The following DOK6 variants were observed in gnomAD, a reference collection of about 807,000 sequenced individuals.
The protein encoded by DOK6 is docking protein 6.
Under a neutral mutation model 44.0 loss-of-function variants are expected in DOK6, and 22 were observed. That is an observed-to-expected ratio of 0.50 (90% CI 0.36 to 0.71). The LOEUF (loss-of-function observed/expected upper bound fraction) is 0.71, where lower values mean the gene tolerates loss of function less well. Ranked by LOEUF, DOK6 falls within the 30% of genes least tolerant of loss-of-function variation. DOK6 has a pLI of 0.00. For missense variants in DOK6, 340 were observed against 416.4 expected (o/e 0.82, Z 1.60); for synonymous variants, 166 against 145.5 (o/e 1.14, Z -1.01).
intron 1 of DOK6, among the ~76,000 whole-genome samples, chr18:69,516,570 G>C (rs1451699194): frequency 6.6e-6 from 1 of 152,150 alleles, no homozygotes; most frequent in Non-Finnish European, 1.5e-5. Context: ...TAAAGGCAAA[G>C]AGATTTGTAT....
chr18:69,560,425 A>C (rs947289691), intron 1 of DOK6, among the ~76,000 whole-genome samples: 4 of 152,040 alleles, frequency 2.6e-5, no homozygotes, highest in Non-Finnish European at 4.4e-5. Flanking sequence ...CTTTTCAGTC[A>C]TGTATTAGTG....
chr18:69,407,766 A>C lies in DOK6; in HGVS notation c.66+6456A>C, dbSNP rs540168811. 2.0e-5 allele frequency among the ~76,000 whole-genome samples: 3 copies of C among 152,346 alleles called. No individual in the cohort carries two copies. The East Asian group carries it at 5.8e-4, about 29-fold the overall frequency. On this transcript the variant is annotated intron_variant, in intron 1 of 7. Transcript: ENST00000382713. ...ACTTGCAATGATTAGTGATGGTTGT[A>C]ACCTTTCAACATGTGCAAAATATTT...
At chr18:69,589,215 T>C (rs955666146) in intron 2 of DOK6, among the ~76,000 whole-genome samples, 13 of 152,192 alleles carry the variant, frequency 8.5e-5, no homozygotes, top group Non-Finnish European at 1.6e-4. Flanking sequence ...GAGATTAACC[T>C]ATATTTATTG....
At chr18:69,751,280 GAATT>G (rs1385675639) in intron 6 of DOK6, among the ~76,000 whole-genome samples, 1 of 152,066 alleles carries the variant, frequency 6.6e-6, no homozygotes, top group Non-Finnish European at 1.5e-5. Flanking sequence ...ATAAGTATTT[GAATT>G]AATGGTTATG....
chr18:69,548,342 T>G (rs1211051072), intron 1 of DOK6, among the ~76,000 whole-genome samples: 1 of 151,574 alleles, frequency 6.6e-6, no homozygotes, highest in African/African-American at 2.4e-5. Context: ...GGCACCTTTT[T>G]ATAGTTGACT....
chr18:69,774,831 CA>C (rs1980013484), intron 7 of DOK6, among the ~76,000 whole-genome samples: 1 of 151,726 alleles, frequency 6.6e-6, no homozygotes, highest in Non-Finnish European at 1.5e-5. Context: ...ACAGACTAGA[CA>C]AATGGTATGA....
chr18:69,696,840 A>G (rs1035695565), intron 4 of DOK6, among the ~76,000 whole-genome samples: 1 of 152,214 alleles, frequency 6.6e-6, no homozygotes, highest in African/African-American at 2.4e-5. Flanking sequence ...TTGGTTGCAC[A>G]TAAGAATTTT....
At chr18:69,626,050 G>A (rs1459687384) in intron 3 of DOK6, among the ~76,000 whole-genome samples, 1 of 152,082 alleles carries the variant, frequency 6.6e-6, no homozygotes, top group Non-Finnish European at 1.5e-5. Flanking sequence ...CCTGACTTTT[G>A]ACAATGACTG....
At chr18:69,811,449 A>G (rs1981221920) in intron 7 of DOK6, among the ~76,000 whole-genome samples, 1 of 150,026 alleles carries the variant, frequency 6.7e-6, no homozygotes, top group South Asian at 2.1e-4. Flanking sequence ...AGTGGATTTT[A>G]AGTTCTGTCT....
At chr18:69,489,170 G>A (rs1980667469) in intron 1 of DOK6, among the ~76,000 whole-genome samples, 1 of 152,186 alleles carries the variant, frequency 6.6e-6, no homozygotes, top group African/African-American at 2.4e-5. Context: ...TTGGCCATAG[G>A]TTGATGCCCC....
At chr18:69,760,560 G>C (rs927415727) in intron 7 of DOK6, among the ~76,000 whole-genome samples, 5 of 152,136 alleles carry the variant, frequency 3.3e-5, no homozygotes, top group Admixed American at 2.6e-4. Flanking sequence ...CAGGCGCCCT[G>C]AGAAACCAAG....
At chr18:69,641,873 T>C (rs1420512507) in intron 3 of DOK6, among the ~76,000 whole-genome samples, 1 of 152,222 alleles carries the variant, frequency 6.6e-6, no homozygotes, top group Non-Finnish European at 1.5e-5. Flanking sequence ...TTATCTGAGA[T>C]GTGAAACTGC....
At chr18:69,479,486 A>AC (rs899208750) in intron 1 of DOK6, among the ~76,000 whole-genome samples, 44 of 152,200 alleles carry the variant, frequency 2.9e-4, no homozygotes, top group African/African-American at 1.0e-3. Flanking sequence ...TTCTGGGATT[A>AC]CAGGAATACA....
At position 69,621,813 on chromosome 18, in the gene DOK6, A is replaced by G. The variant is rs576233887; in HGVS notation, c.289+22315A>G. Among the ~76,000 whole-genome samples, 12 of 152,346 alleles carry G rather than the reference A, an allele frequency of 7.9e-5. No individual in the cohort carries two copies. The South Asian group carries it at 2.3e-3, about 29-fold the overall frequency. ...GGAACATAGTTAATTCCTCAATAAT[A>G]AAAGACGGTGCCTTACAAATAAAAG... is the stretch of plus-strand genomic sequence containing the variant. On this transcript the variant is annotated intron_variant, in intron 3 of 7. Transcript: ENST00000382713.
intron 1 of DOK6, among the ~76,000 whole-genome samples, chr18:69,533,482 C>T (rs1301604208): frequency 6.6e-6 from 1 of 152,030 alleles, no homozygotes; most frequent in Non-Finnish European, 1.5e-5. Flanking sequence ...AAAATACAAA[C>T]ATGAAATGAT....
intron 1 of DOK6, among the ~76,000 whole-genome samples, chr18:69,464,524 G>T (rs1979873869): frequency 6.6e-6 from 1 of 152,106 alleles, no homozygotes. Flanking sequence ...AATACACAAT[G>T]GTATTTTTAT....
chr18:69,489,052 G>T (rs1256685385), intron 1 of DOK6, among the ~76,000 whole-genome samples: 3 of 152,196 alleles, frequency 2.0e-5, no homozygotes, highest in East Asian at 1.9e-4. Context: ...CTAAATGGAA[G>T]ATAGGTGGGT....
intron 5 of DOK6, among the ~76,000 whole-genome samples, chr18:69,706,780 G>A (rs1220467222): frequency 3.4e-5 from 5 of 148,996 alleles, no homozygotes; most frequent in African/African-American, 7.5e-5. Flanking sequence ...GAGAACATGC[G>A]GTGTTTGGTT....
chr18:69,817,031 T>A (rs992087584), intron 7 of DOK6, among the ~76,000 whole-genome samples: 1 of 152,196 alleles, frequency 6.6e-6, no homozygotes, highest in Non-Finnish European at 1.5e-5. Flanking sequence ...AGTAGACACA[T>A]ACCTTCAATA....
Sources: gnomAD v4.1 joint callset for allele counts (sites outside exome capture counted in the v4.1 genomes callset) on GRCh38, gnomAD v4.1.1 for gene constraint, MANE v1.5 for transcripts, NCBI Gene and HGNC (gene_info 2026-07-23, HGNC 2026-07-21) for gene names.